ATP8B1: variants seen among roughly 807,000 people sequenced by gnomAD.
ATP8B1 encodes the protein ATPase phospholipid transporting 8B1.
Under a neutral mutation model 149.9 loss-of-function variants are expected in ATP8B1, and 80 were observed. The observed-to-expected ratio is 0.53, with a 90% confidence interval of 0.45 to 0.64. The LOEUF is 0.64. ATP8B1 is among the 30% of genes least tolerant of loss of function. The pLI is 0.00. For synonymous variants in ATP8B1, 536 were observed against 562.8 expected (o/e 0.95, Z 0.67); for missense variants, 1,247 against 1,552.6 (o/e 0.80, Z 3.31).
At chr18:57,654,226 C>T (rs139904869) in intron 23 of ATP8B1, 151 bp from the exon 24 acceptor site, 175 of 772,304 alleles carry the variant, frequency 2.3e-4, no homozygotes, top group African/African-American at 1.2e-3. Flanking sequence ...AGGCTGGCCT[C>T]GAACTCCTGG....
chr18:57,787,316 A>C (rs1035146785), intron 1 of ATP8B1, among the ~76,000 whole-genome samples: 2 of 152,198 alleles, frequency 1.3e-5, no homozygotes, highest in African/African-American at 4.8e-5. Context: ...ACACACAAGA[A>C]CCTAAAAGAC....
At chr18:57,719,637 C>T (rs2079620046) in intron 2 of ATP8B1, among the ~76,000 whole-genome samples, 1 of 152,200 alleles carries the variant, frequency 6.6e-6, no homozygotes, top group South Asian at 2.1e-4. Context: ...TGATTGCTAG[C>T]ACAGCAGTCT....
chr18:57,652,120 C>G lies in ATP8B1; in HGVS notation c.3314G>C (p.Gly1105Ala). 1 of 1,613,924 alleles carries G rather than the reference C, an allele frequency of 6.2e-7. No individual in the cohort carries two copies. The highest frequency in any genetic ancestry group is 8.5e-7 in the Non-Finnish European group (1 of 1,179,872). ...WTFVNAFSIF[G>A]SIALYFGIMF... ...GATGCCAAAATAAAGTGCAATGCTT[C>G]CAAAAATTGAAAAAGCATTCACAAA... is the stretch of plus-strand genomic sequence containing the variant. The change falls in exon 26 of 28, where the codon GGA becomes GCA. Residue 1105 changes from glycine (G) to alanine (A), a missense_variant. This residue lies in a region of ATP8B1 where 230 missense variants were observed against 356.6 expected (regional missense o/e 0.65). Coordinates refer to ENST00000648908, the MANE Select transcript of ATP8B1 (RefSeq NM_001374385.1).
chr18:57,764,565 C>T (rs193285749), intron 1 of ATP8B1, among the ~76,000 whole-genome samples: 13 of 151,674 alleles, frequency 8.6e-5, no homozygotes, highest in Middle Eastern at 3.4e-3. Flanking sequence ...ATTACAAGCT[C>T]CTGCCACCAC....
intron 4 of ATP8B1, 136 bp downstream of exon 4, chr18:57,704,419 G>A: frequency 1.5e-6 from 1 of 675,274 alleles, no homozygotes. Flanking sequence ...TGTGTATGAG[G>A]CACTGTTCCT....
rs1912758931 is a variant in ATP8B1 at position 57,695,398 on chromosome 18, T to C, written c.781+52A>G. The stretch of plus-strand genomic sequence containing the variant: ...TCTTTCTGGTTTTAATCAATAGGAA[T>C]TGAACCAAGCAACTAAAATTTAAAG... On this transcript the variant is annotated intron_variant, in intron 9 of 27. Transcript: ENST00000648908. 5.7e-6 allele frequency: 9 copies of C among 1,591,886 alleles called. No individual in the cohort carries two copies. The South Asian group carries it at 7.7e-5, about 14-fold the overall frequency.
At chr18:57,729,059 A>T (rs1208792671) in intron 2 of ATP8B1, among the ~76,000 whole-genome samples, 36 of 152,048 alleles carry the variant, frequency 2.4e-4, no homozygotes, top group Non-Finnish European at 4.4e-5. Context: ...CGAGGGTAGA[A>T]ATCTACAAAA....
At chr18:57,672,974 T>TAA (rs1247070475) in intron 16 of ATP8B1, among the ~76,000 whole-genome samples, 9,025 of 39,024 alleles carry the variant, frequency 0.23, 1,641 homozygotes, top group Middle Eastern at 0.33. Flanking sequence ...TCTACATATA[T>TAA]ACACACATAT....
At chr18:57,672,883 AAAGTAT>A (rs1424755484) in intron 16 of ATP8B1, among the ~76,000 whole-genome samples, 3 of 62,442 alleles carry the variant, frequency 4.8e-5, no homozygotes, top group African/African-American at 1.2e-4. Flanking sequence ...AAAAAAAAAA[AAAGTAT>A]ATATATATAT....
chr18:57,704,946 T>C (rs531897120), intron 3 of ATP8B1, among the ~76,000 whole-genome samples: 1 of 152,234 alleles, frequency 6.6e-6, no homozygotes, highest in African/African-American at 2.4e-5. Context: ...TAGCCAGGCG[T>C]GGTGGCCTGC....
At chr18:57,687,120 C>A (rs983320360) in intron 13 of ATP8B1, among the ~76,000 whole-genome samples, 3 of 152,152 alleles carry the variant, frequency 2.0e-5, no homozygotes, top group Non-Finnish European at 4.4e-5. Context: ...TGAGACACTG[C>A]ACCCAGCCCA....
intron 2 of ATP8B1, among the ~76,000 whole-genome samples, chr18:57,715,133 T>C (rs1194687395): frequency 6.6e-6 from 1 of 152,058 alleles, no homozygotes; most frequent in Non-Finnish European, 1.5e-5. Flanking sequence ...ACAGAAAAAG[T>C]TTAGAATTCT....
chr18:57,764,318 TTTC>T (rs1459138193), intron 1 of ATP8B1, among the ~76,000 whole-genome samples: 1 of 129,050 alleles, frequency 7.7e-6, no homozygotes, highest in Admixed American at 7.6e-5. Context: ...TCTTTCTTTC[TTTC>T]TTTTTCTTTC....
At chr18:57,699,725 A>T (rs111423690) in intron 6 of ATP8B1, among the ~76,000 whole-genome samples, 4,908 of 103,198 alleles carry the variant, frequency 0.048, 290 homozygotes, top group African/African-American at 0.13. Flanking sequence ...CGTCTCAAAA[A>T]AATAAAAAAA....
At chr18:57,787,013 T>C (rs1193127096) in intron 1 of ATP8B1, among the ~76,000 whole-genome samples, 9 of 152,168 alleles carry the variant, frequency 5.9e-5, no homozygotes, top group African/African-American at 1.9e-4. Flanking sequence ...TTTGAGAGTT[T>C]ACAAAGACTG....
In ATP8B1 at chr18:57,699,173, C is replaced by T. The variant is rs372754454; in HGVS notation, c.555-1306G>A. On this transcript the variant is annotated intron_variant, in intron 6 of 27. Coordinates refer to ENST00000648908, the MANE Select transcript of ATP8B1 (RefSeq NM_001374385.1). Reference sequence around the variant, plus strand: ...TTCCAAGACTTTTTATGTGTCAACACTGAGGAAAGTAACCTGACTTACAGC... The same window carrying T: ...TTCCAAGACTTTTTATGTGTCAACATTGAGGAAAGTAACCTGACTTACAGC... 2.2e-3 allele frequency among the ~76,000 whole-genome samples: 334 copies of T among 152,324 alleles called. 2 individuals carry two copies. Among genetic ancestry groups the T allele is most frequent in the African/African-American group, 7.7e-3 (318 of 41,560 alleles).
At chr18:57,745,345 C>T (rs2079954830) in intron 1 of ATP8B1, among the ~76,000 whole-genome samples, 1 of 151,020 alleles carries the variant, frequency 6.6e-6, no homozygotes, top group Admixed American at 6.6e-5. Context: ...GATCTCGGCT[C>T]ACTGCAACCT....
intron 1 of ATP8B1, among the ~76,000 whole-genome samples, chr18:57,790,700 A>T (rs1240557909): frequency 6.6e-6 from 1 of 151,980 alleles, no homozygotes; most frequent in African/African-American, 2.4e-5. Flanking sequence ...AAAGCATAAA[A>T]TTTACCATTT....
chr18:57,653,041 A>T (rs1352774734), intron 24 of ATP8B1, among the ~76,000 whole-genome samples: 1 of 152,186 alleles, frequency 6.6e-6, no homozygotes, highest in Non-Finnish European at 1.5e-5. Flanking sequence ...TTACCTCCTG[A>T]GTGAATATAT....
Sources: allele counts gnomAD v4.1 joint callset (sites outside exome capture counted in the v4.1 genomes callset), GRCh38; gene constraint gnomAD v4.1.1; regional missense constraint gnomAD v4.1.1; transcripts MANE v1.5; gene names NCBI Gene and HGNC (gene_info 2026-07-23, HGNC 2026-07-21).